The following AUTS2 variants were observed in gnomAD, a reference collection of about 807,000 sequenced individuals.
AUTS2 encodes autism susceptibility gene 2 protein.
In AUTS2, 17 loss-of-function variants were observed where a neutral mutation model predicts 112.4. That is an observed-to-expected ratio of 0.15 (90% CI 0.10 to 0.23). The LOEUF is 0.23. Ranked by LOEUF, AUTS2 falls within the 10% of genes least tolerant of loss-of-function variation. The pLI is 1.00. For synonymous variants in AUTS2, 751 were observed against 702.7 expected, an observed-to-expected ratio of 1.07 and a Z score of -1.09; for missense variants, 1,510 against 1,701.6, an observed-to-expected ratio of 0.89 and a Z score of 1.98.
chr7:70,456,143 C>A (rs1322372541), intron 5 of AUTS2, among the ~76,000 whole-genome samples: 1 of 152,204 alleles, frequency 6.6e-6, no homozygotes, highest in Non-Finnish European at 1.5e-5. Context: ...TAACCCAGCA[C>A]GGAAGTTCAA....
chr7:70,167,785 A>G (rs1405588723), intron 4 of AUTS2, among the ~76,000 whole-genome samples: 1 of 152,234 alleles, frequency 6.6e-6, no homozygotes, highest in African/African-American at 2.4e-5. Context: ...AATTTTTGGA[A>G]ATTCGATAAC....
At chr7:70,505,376 T>C (rs1191727972) in intron 5 of AUTS2, among the ~76,000 whole-genome samples, 1 of 152,180 alleles carries the variant, frequency 6.6e-6, no homozygotes, top group Admixed American at 6.5e-5. Flanking sequence ...TGGGGAATGT[T>C]GATCTTCCTA....
At chr7:70,481,237 A>G (rs945145159) in intron 5 of AUTS2, among the ~76,000 whole-genome samples, 2 of 152,192 alleles carry the variant, frequency 1.3e-5, no homozygotes, top group Non-Finnish European at 2.9e-5. Context: ...CTTAGAAAGC[A>G]CAGTGCAGGG....
chr7:69,950,854 C>T (rs532585610), intron 2 of AUTS2, among the ~76,000 whole-genome samples: 24 of 152,070 alleles, frequency 1.6e-4, no homozygotes, highest in South Asian at 1.5e-3. Flanking sequence ...TGGATTTGGT[C>T]GGGTGCGGTG....
chr7:70,683,084 A>G (rs1007148322), intron 5 of AUTS2, among the ~76,000 whole-genome samples: 1 of 152,252 alleles, frequency 6.6e-6, no homozygotes, highest in East Asian at 1.9e-4. Context: ...GAGGCATGAC[A>G]TGCACATACA....
chr7:70,679,855 T>C (rs10234815), intron 5 of AUTS2, among the ~76,000 whole-genome samples: 35,039 of 152,002 alleles, frequency 0.23, 4,520 homozygotes, highest in African/African-American at 0.34. Context: ...CTGAAGTCCT[T>C]CCCTTGTGGA....
intron 5 of AUTS2, among the ~76,000 whole-genome samples, chr7:70,455,649 G>T (rs2131126561): frequency 6.6e-6 from 1 of 152,278 alleles, no homozygotes; most frequent in East Asian, 1.9e-4. Context: ...AGGCAGGTGT[G>T]GTGGCTCATG....
At chr7:70,625,440 G>A (rs560020914) in intron 5 of AUTS2, among the ~76,000 whole-genome samples, 1 of 152,298 alleles carries the variant, frequency 6.6e-6, no homozygotes, top group African/African-American at 2.4e-5. Context: ...TGCCATGGGG[G>A]ACATCATTAC....
chr7:70,569,984 T>C (rs1405679478), intron 5 of AUTS2, among the ~76,000 whole-genome samples: 5 of 152,180 alleles, frequency 3.3e-5, no homozygotes, highest in Non-Finnish European at 5.9e-5. Flanking sequence ...GATAATGAGA[T>C]GGTTCAAACC....
At chr7:70,624,749 G>A (rs983008206) in intron 5 of AUTS2, among the ~76,000 whole-genome samples, 1 of 152,228 alleles carries the variant, frequency 6.6e-6, no homozygotes, top group East Asian at 1.9e-4. Context: ...ACTTAGGAAA[G>A]AGGGTCACCT....
chr7:70,419,442 G>A, intron 4 of AUTS2, among the ~76,000 whole-genome samples: 1 of 151,000 alleles, frequency 6.6e-6, no homozygotes, highest in Non-Finnish European at 1.5e-5. Flanking sequence ...GGGGCTGGGG[G>A]GTGGGGGGAG....
intron 5 of AUTS2, among the ~76,000 whole-genome samples, chr7:70,642,170 G>A (rs908926195): frequency 2.6e-5 from 4 of 152,122 alleles, no homozygotes; most frequent in Non-Finnish European, 5.9e-5. Flanking sequence ...CCATTTTTCT[G>A]AGTTTCTGAT....
At chr7:70,732,073 G>A (rs1016548339) in intron 6 of AUTS2, among the ~76,000 whole-genome samples, 11 of 152,078 alleles carry the variant, frequency 7.2e-5, no homozygotes, top group Admixed American at 7.2e-4. Flanking sequence ...AGTGTCGGGT[G>A]TTGCATCTGA....
intron 2 of AUTS2, among the ~76,000 whole-genome samples, chr7:69,966,295 A>G (rs143414240): frequency 3.9e-5 from 6 of 152,286 alleles, no homozygotes; most frequent in Non-Finnish European, 5.9e-5. Flanking sequence ...TCCATTGCCA[A>G]CAGCAAAGGG....
At chr7:70,054,520 G>A (rs1016548917) in intron 2 of AUTS2, among the ~76,000 whole-genome samples, 19 of 151,976 alleles carry the variant, frequency 1.3e-4, no homozygotes, top group African/African-American at 4.6e-4. Context: ...GGGCATTCGC[G>A]GATATGCAGT....
chr7:69,619,328 A>G (rs972999176), intron 1 of AUTS2, among the ~76,000 whole-genome samples: 3 of 152,160 alleles, frequency 2.0e-5, no homozygotes, highest in Admixed American at 6.5e-5. Context: ...ATTCAGAAGT[A>G]TTGGGAGCTA....
In AUTS2 at chr7:70,790,741, C is replaced by T. The variant is rs781383039; in HGVS notation, c.3525C>T (p.Leu1175=). The change falls in exon 19 of 19, where the codon CTC becomes CTT. Residue 1175 remains leucine, a synonymous_variant. Transcript: ENST00000342771. The surrounding 1 kb of genome is among the most constrained non-coding windows in gnomAD (Gnocchi z 7.6). ...TCCACTCCGTGCACCCCGCCTCCCT[C>T]GACGGACACCTCCCCCACCCCAGCC... ...TRLHSVHPAS[L]DGHLPHPSLI... is the part of the protein sequence containing the mutation. 1.9e-6 allele frequency: 3 copies of T among 1,613,422 alleles called. No homozygotes were observed. Among genetic ancestry groups the T allele is most frequent in the East Asian group, 2.2e-5 (1 of 44,860 alleles).
Position 70,013,487 on chromosome 7 carries a change from A to G in AUTS2, c.523-104645A>G, listed in dbSNP as rs1040872185. On this transcript the variant is annotated intron_variant, in intron 2 of 18. Transcript: ENST00000342771. ...AAACTGGTGTGACTTCATTCAGTTT[A>G]TCTCTATCCCATTTCCCCTCTCCAC... Among the ~76,000 whole-genome samples the G allele has an allele frequency of 2.4e-4, 36 of 152,306 alleles. 1 individual carries two copies. Among genetic ancestry groups the G allele is most frequent in the Middle Eastern group, 3.4e-3 (1 of 294 alleles).
At chr7:70,087,209 T>G (rs890048750) in intron 2 of AUTS2, among the ~76,000 whole-genome samples, 1 of 152,002 alleles carries the variant, frequency 6.6e-6, no homozygotes, top group African/African-American at 2.4e-5. Flanking sequence ...ATGCTATTTA[T>G]TAATCCATTG....
Sources: allele counts gnomAD v4.1 joint callset (sites outside exome capture counted in the v4.1 genomes callset), GRCh38; gene constraint gnomAD v4.1.1; non-coding constraint Gnocchi (gnomAD v3.1); transcripts MANE v1.5; gene names NCBI Gene and HGNC (gene_info 2026-07-23, HGNC 2026-07-21).